The following YEATS2 variants were observed in gnomAD, a reference collection of about 807,000 sequenced individuals.
YEATS2 encodes YEATS domain containing 2.
YEATS2 carries 77 observed loss-of-function variants against 163.2 expected under a neutral mutation model. The observed-to-expected ratio is 0.47, with a 90% CI of 0.39 to 0.57. The LOEUF is 0.57. Ranked by LOEUF, YEATS2 falls within the 20% of genes least tolerant of loss-of-function variation. The pLI, the probability that YEATS2 is intolerant of heterozygous loss-of-function variation, is 0.00. For synonymous variants in YEATS2, 631 were observed against 645.1 expected, an observed-to-expected ratio of 0.98 and a Z score of 0.33; for missense variants, 1,549 against 1,729.8, an observed-to-expected ratio of 0.90 and a Z score of 1.85.
At chr3:183,790,025 C>A (rs1724458986) in intron 20 of YEATS2, among the ~76,000 whole-genome samples, 1 of 152,190 alleles carries the variant, frequency 6.6e-6, no homozygotes, top group Non-Finnish European at 1.5e-5. Context: ...CTTCCCCGTG[C>A]CTCTTCACAG....
At chr3:183,793,016 T>C in intron 21 of YEATS2, 2 of 717,984 alleles carry the variant, frequency 2.8e-6, no homozygotes, top group Non-Finnish European at 3.9e-6. Flanking sequence ...TTTGTTTTTC[T>C]ATAATCTGGT....
intron 19 of YEATS2, among the ~76,000 whole-genome samples, chr3:183,780,989 T>C (rs1246737636): frequency 6.6e-6 from 1 of 152,120 alleles, no homozygotes; most frequent in Non-Finnish European, 1.5e-5. Flanking sequence ...ACCAAAAAAC[T>C]TGACAATTAA....
chr3:183,763,844 G>C (rs1721626508), intron 15 of YEATS2, among the ~76,000 whole-genome samples: 1 of 152,060 alleles, frequency 6.6e-6, no homozygotes, highest in Admixed American at 6.5e-5. Flanking sequence ...AAGGCGGACA[G>C]ATCACTTCAG....
intron 8 of YEATS2, among the ~76,000 whole-genome samples, chr3:183,742,937 A>G (rs1387954524): frequency 1.3e-5 from 2 of 152,240 alleles, no homozygotes; most frequent in Non-Finnish European, 2.9e-5. Flanking sequence ...AGTTCACTCA[A>G]GGCTCAAGGT....
In YEATS2 at chr3:183,717,034, A is replaced by G. The variant is rs371187609; in HGVS notation, c.101-617A>G. 1.2e-4 allele frequency among the ~76,000 whole-genome samples: 18 copies of G among 151,948 alleles called. 1 individual carries two copies. Among genetic ancestry groups the G allele is most frequent in the Admixed American group, 5.2e-4 (8 of 15,240 alleles). On this transcript the variant is annotated intron_variant, in intron 2 of 30. Coordinates refer to ENST00000305135, the MANE Select transcript of YEATS2 (RefSeq NM_018023.5). ...CAGCCTCCCAAGTAGCTGGGATTACAGGTACCCCCCACTACGCCCAGCTAG... is the reference window on the plus strand; with the variant it reads ...CAGCCTCCCAAGTAGCTGGGATTACGGGTACCCCCCACTACGCCCAGCTAG...
intron 2 of YEATS2, among the ~76,000 whole-genome samples, chr3:183,715,505 A>G (rs529639672): frequency 5.3e-5 from 8 of 152,084 alleles, no homozygotes; most frequent in Middle Eastern, 3.4e-3. Flanking sequence ...AGTTTTAGCG[A>G]TCACTGTATG....
rs774484266 is a variant in YEATS2, at chr3:183,728,670, T to C, written c.651-20T>C. 1.3e-6 allele frequency: 2 copies of C among 1,530,586 alleles called. No individual in the cohort carries two copies. Among genetic ancestry groups the C allele is most frequent in the Non-Finnish European group, 1.7e-6 (2 of 1,142,948 alleles). 94.8% of individuals were successfully genotyped at this position (1,530,586 alleles called of 1,614,324 possible). A position where few individuals can be genotyped will look rare whatever the true frequency, so the allele number is the denominator to read the frequency against. ...TTGAAGGACGAAAAGAATTCAGGTT[T>C]CTTTTTTCTTCTTCTCTAGGTATAT... is the stretch of plus-strand genomic sequence containing the variant. On this transcript the variant is annotated intron_variant, in intron 6 of 30. Transcript: ENST00000305135.
chr3:183,716,175 G>A (rs1015578183), intron 2 of YEATS2, among the ~76,000 whole-genome samples: 3 of 152,024 alleles, frequency 2.0e-5, no homozygotes, highest in South Asian at 4.1e-4. Context: ...TAGCCAGGAT[G>A]GTCTCCATCT....
At chr3:183,779,238 T>C (rs1723317297) in intron 19 of YEATS2, among the ~76,000 whole-genome samples, 1 of 152,202 alleles carries the variant, frequency 6.6e-6, no homozygotes, top group Non-Finnish European at 1.5e-5. Context: ...GGTAATTATG[T>C]GTCCTCTTTT....
intron 15 of YEATS2, among the ~76,000 whole-genome samples, chr3:183,770,260 T>G (rs955384434): frequency 2.0e-5 from 3 of 151,712 alleles, no homozygotes; most frequent in African/African-American, 7.3e-5. Flanking sequence ...TGGTGGCGCC[T>G]GTAGTCCCAG....
At chr3:183,807,394 C>A (rs997921844) in intron 28 of YEATS2, 4 of 345,882 alleles carry the variant, frequency 1.2e-5, no homozygotes, top group Non-Finnish European at 1.6e-5. Flanking sequence ...GATTACTCTT[C>A]ATCTTGTTTT....
intron 20 of YEATS2, 58 bp from the exon 21 acceptor site, chr3:183,790,739 C>G: frequency 6.3e-7 from 1 of 1,576,368 alleles, no homozygotes. Context: ...TCACCGCCGT[C>G]AGTCATCACT....
At chr3:183,764,104 G>A (rs1415435263) in intron 15 of YEATS2, among the ~76,000 whole-genome samples, 1 of 152,038 alleles carries the variant, frequency 6.6e-6, no homozygotes, top group Non-Finnish European at 1.5e-5. Context: ...GGGCACGGTG[G>A]CTCACGCCCG....
chr3:183,724,039 T>A (rs1336596538), intron 5 of YEATS2, among the ~76,000 whole-genome samples: 1 of 152,240 alleles, frequency 6.6e-6, no homozygotes, highest in Non-Finnish European at 1.5e-5. Flanking sequence ...TTATTTCTCA[T>A]TGAACAGTTT....
At chr3:183,734,101 G>A (rs998180908) in intron 7 of YEATS2, among the ~76,000 whole-genome samples, 5 of 152,162 alleles carry the variant, frequency 3.3e-5, no homozygotes, top group African/African-American at 7.2e-5. Context: ...GAAATATACT[G>A]TGAGCCACAT....
At chr3:183,778,939 GTTTA>G (rs923712916) in intron 19 of YEATS2, among the ~76,000 whole-genome samples, 3 of 151,930 alleles carry the variant, frequency 2.0e-5, no homozygotes, top group Non-Finnish European at 4.4e-5. Context: ...TGTTCAGGTT[GTTTA>G]TTTCTTTTCT....
intron 26 of YEATS2, 161 bp from the exon 27 acceptor site, chr3:183,803,826 G>C: frequency 1.4e-6 from 1 of 731,896 alleles, no homozygotes. Flanking sequence ...AGGGAAGTTC[G>C]ACTTTTTTTT....
At chr3:183,773,585 C>A in intron 16 of YEATS2, 48 bp from the exon 17 acceptor site, 3 of 1,513,954 alleles carry the variant, frequency 2.0e-6, no homozygotes, top group Non-Finnish European at 1.8e-6. Context: ...TAGAGTGTTG[C>A]CCTTAGTTTC....
At position 183,810,699 on chromosome 3, in the gene YEATS2, C is replaced by G. The variant is rs1460137162; in HGVS notation, c.*116C>G. The G allele has an allele frequency of 2.3e-6, 2 of 873,764 alleles. No homozygotes were observed. Among genetic ancestry groups the G allele is most frequent in the African/African-American group, 1.7e-5 (1 of 59,408 alleles). 54.1% of individuals were successfully genotyped at this position (873,764 alleles called of 1,614,324 possible). A position where few individuals can be genotyped will look rare whatever the true frequency, so the allele number is the denominator to read the frequency against. ...GTGTGACTCGGCATGTCATGGCTAC[C>G]CAACCTTTGCCGCTGCCTGTTCCCA... On this transcript the variant is annotated 3_prime_UTR_variant, in exon 31 of 31. Coordinates refer to ENST00000305135, the MANE Select transcript of YEATS2 (RefSeq NM_018023.5).
Sources: allele counts gnomAD v4.1 joint callset (sites outside exome capture counted in the v4.1 genomes callset), GRCh38; gene constraint gnomAD v4.1.1; transcripts MANE v1.5; gene names NCBI Gene and HGNC (gene_info 2026-07-23, HGNC 2026-07-21).